The following RBM47 variants were observed in gnomAD, a reference collection of about 807,000 sequenced individuals.
RBM47 encodes RNA binding motif protein 47.
RBM47 carries 21 observed loss-of-function variants against 47.1 expected under a neutral mutation model. The observed-to-expected ratio is 0.45, with a 90% CI of 0.32 to 0.64. The LOEUF (loss-of-function observed/expected upper bound fraction) is 0.64, where lower values mean the gene tolerates loss of function less well. RBM47 is among the 30% of genes least tolerant of loss of function. The probability of loss-of-function intolerance (pLI) is 0.05; values close to 1 mark genes in which losing one functional copy is unlikely to be tolerated. For synonymous variants in RBM47, 375 were observed against 361.7 expected, an observed-to-expected ratio of 1.04 and a Z score of -0.42; for missense variants, 708 against 870.9, an observed-to-expected ratio of 0.81 and a Z score of 2.35.
intron 1 of RBM47, among the ~76,000 whole-genome samples, chr4:40,581,469 A>AAATAAAT (rs1553904705): frequency 6.3e-5 from 5 of 79,206 alleles, no homozygotes; most frequent in Non-Finnish European, 1.5e-4. Context: ...AATAAATAAA[A>AAATAAAT]GGAGAGGTCA....
In RBM47 at chr4:40,628,169, C is replaced by CA. The variant is rs1376197796; in HGVS notation, c.-240+1226dup. Among the ~76,000 whole-genome samples the CA allele has an allele frequency of 1.3e-5, 2 of 152,036 alleles. No individual in the cohort carries two copies. Among genetic ancestry groups the CA allele is most frequent in the East Asian group, 3.9e-4 (2 of 5,194 alleles). On this transcript the variant is annotated intron_variant, in intron 1 of 6. Transcript: ENST00000295971. This position sits in a 1 kb window ranked among gnomAD's most constrained non-coding sequence, Gnocchi z 4.0. ...CATGCAATAATTAAGTCAAAGAGGC[C>CA]AACAGTGTGTATATCAGAACAAGGT...
intron 1 of RBM47, among the ~76,000 whole-genome samples, chr4:40,590,844 C>A (rs1734073301): frequency 6.6e-6 from 1 of 152,162 alleles, no homozygotes; most frequent in Non-Finnish European, 1.5e-5. Flanking sequence ...GCACTGTCAC[C>A]CACGCTGGAG....
rs1298848112 is a variant in RBM47 at position 40,437,762 on chromosome 4, C to T, written c.1123+9G>A. 3 of 1,590,352 alleles carry T rather than the reference C, an allele frequency of 1.9e-6. No individual in the cohort carries two copies. Among genetic ancestry groups the T allele is most frequent in the Non-Finnish European group, 2.6e-6 (3 of 1,162,162 alleles). ...GGGGGCCCCACCCAGGAGAAGAGCC[C>T]CCACTAACCTTTCACAAAGTAGTCC... On this transcript the variant is annotated intron_variant, in intron 4 of 6. Coordinates refer to ENST00000295971, the MANE Select transcript of RBM47 (RefSeq NM_001098634.2).
intron 1 of RBM47, among the ~76,000 whole-genome samples, chr4:40,552,410 A>G (rs1729648776): frequency 6.6e-6 from 1 of 152,016 alleles, no homozygotes; most frequent in Non-Finnish European, 1.5e-5. Context: ...AAATAAATAA[A>G]TAAATAAATA....
Position 40,528,329 on chromosome 4 carries a change from A to C in RBM47, c.-155+16093T>G, listed in dbSNP as rs568280685. On this transcript the variant is annotated intron_variant, in intron 2 of 6. Coordinates refer to ENST00000295971, the MANE Select transcript of RBM47 (RefSeq NM_001098634.2). ...GAGGCTGAGGCAGGAGAATCCCTTG[A>C]AACCAGGAGGCCGAGGTTGCAGTGA... Among the ~76,000 whole-genome samples the C allele has an allele frequency of 1.6e-3, 250 of 152,178 alleles. 1 individual carries two copies. The highest frequency in any genetic ancestry group is 5.1e-3 in the African/African-American group (210 of 41,522).
intron 1 of RBM47, among the ~76,000 whole-genome samples, chr4:40,624,464 T>C (rs780981906): frequency 4.1e-4 from 62 of 152,204 alleles, no homozygotes; most frequent in African/African-American, 1.5e-3. Flanking sequence ...CTCTCCTCCA[T>C]GCCAGCATGC....
chr4:40,621,102 C>G (rs561393071), intron 1 of RBM47, among the ~76,000 whole-genome samples: 25 of 152,216 alleles, frequency 1.6e-4, no homozygotes, highest in African/African-American at 6.0e-4. Context: ...TCTTCATCTA[C>G]CCTCAGCAGA....
chr4:40,583,017 T>A (rs1194830425), intron 1 of RBM47, among the ~76,000 whole-genome samples: 1 of 152,010 alleles, frequency 6.6e-6, no homozygotes, highest in Non-Finnish European at 1.5e-5. Flanking sequence ...AAAATCAAAC[T>A]AGTAGAGTAA....
rs1728830449 is a variant in RBM47 at position 40,544,471 on chromosome 4, AC to A, written c.-205del. On this transcript the variant is annotated 5_prime_UTR_variant, in exon 2 of 7. The change abolishes the stop of an existing upstream ORF in the 5' untranslated region. Transcript: ENST00000295971. The stretch of plus-strand genomic sequence containing the variant: ...TTGCTGATCTCTGCTGGGTGACCTG[AC>A]GCAGAGTCTCTTTCCAAGGCCTCCG... 1 of 152,178 alleles carries A rather than the reference AC, an allele frequency of 6.6e-6. No individual in the cohort carries two copies. Among genetic ancestry groups the A allele is most frequent in the Non-Finnish European group, 1.5e-5 (1 of 68,030 alleles). 9.4% of individuals were successfully genotyped at this position (152,178 alleles called of 1,614,324 possible).
intron 1 of RBM47, among the ~76,000 whole-genome samples, chr4:40,622,034 A>G (rs1195518449): frequency 6.6e-6 from 1 of 152,256 alleles, no homozygotes; most frequent in Non-Finnish European, 1.5e-5. Context: ...GCATTCAGTC[A>G]CGCTTGAAAT....
chr4:40,592,973 ATATATATTTT>A (rs1734364552), intron 1 of RBM47, among the ~76,000 whole-genome samples: 2 of 17,980 alleles, frequency 1.1e-4, no homozygotes, highest in Non-Finnish European at 1.8e-4. Context: ...ATATATATAT[ATATATATTTT>A]TTTTTTTTTT....
At chr4:40,605,646 C>A (rs569815316) in intron 1 of RBM47, among the ~76,000 whole-genome samples, 28 of 151,958 alleles carry the variant, frequency 1.8e-4, no homozygotes, top group Middle Eastern at 3.4e-3. Context: ...GCCTGGCCAA[C>A]ATGGTGAAAC....
chr4:40,536,497 C>T (rs899966501), intron 2 of RBM47, among the ~76,000 whole-genome samples: 7 of 152,192 alleles, frequency 4.6e-5, no homozygotes, highest in African/African-American at 1.7e-4. Context: ...TCCTACAAAG[C>T]ATAAAGCCAT....
intron 2 of RBM47, among the ~76,000 whole-genome samples, chr4:40,519,498 T>A (rs1247032960): frequency 6.6e-6 from 1 of 151,666 alleles, no homozygotes. Flanking sequence ...GGTTTCTGCA[T>A]GTTGGTCAGG....
At chr4:40,497,451 T>C (rs1722760943) in intron 2 of RBM47, among the ~76,000 whole-genome samples, 1 of 149,024 alleles carries the variant, frequency 6.7e-6, no homozygotes, top group East Asian at 2.0e-4. Flanking sequence ...GACCCCCTTC[T>C]CTTCAAAAAA....
chr4:40,619,429 G>A (rs28661927), intron 1 of RBM47, among the ~76,000 whole-genome samples: 10,206 of 152,078 alleles, frequency 0.067, 1,123 homozygotes, highest in African/African-American at 0.23. Context: ...TTAAGAAGTC[G>A]TCTTTAATGG....
At chr4:40,555,769 T>A (rs780864918) in intron 1 of RBM47, among the ~76,000 whole-genome samples, 40 of 152,344 alleles carry the variant, frequency 2.6e-4, no homozygotes, top group Middle Eastern at 3.4e-3. Context: ...ATTCCTCAAC[T>A]GTTTTTCTGA....
In RBM47 at chr4:40,539,349, C is replaced by T. The variant is rs112544781; in HGVS notation, c.-155+5073G>A. ...TTGGGTGTATTTGCTCTTTAGTAAG[C>T]ATCCCTCATATGGACCACATGAGTT... On this transcript the variant is annotated intron_variant, in intron 2 of 6. Transcript: ENST00000295971. Among the ~76,000 whole-genome samples, 198 of 152,234 alleles carry T rather than the reference C, an allele frequency of 1.3e-3. 1 individual carries two copies. Among genetic ancestry groups the T allele is most frequent in the African/African-American group, 4.6e-3 (191 of 41,536 alleles).
intron 2 of RBM47, among the ~76,000 whole-genome samples, chr4:40,495,569 T>G (rs1234963159): frequency 6.6e-6 from 1 of 151,612 alleles, no homozygotes; most frequent in Admixed American, 6.6e-5. Context: ...ACCACTGCAC[T>G]CCAGCCTGGG....
Sources: gnomAD v4.1 joint callset for allele counts (sites outside exome capture counted in the v4.1 genomes callset) on GRCh38, gnomAD v4.1.1 for gene constraint, Gnocchi (gnomAD v3.1) non-coding constraint, MANE v1.5 for transcripts, NCBI Gene and HGNC (gene_info 2026-07-23, HGNC 2026-07-21) for gene names.